Variants in ME3 observed in about 807,000 individuals in gnomAD.
The protein encoded by ME3 is NADP-dependent malic enzyme, mitochondrial.
A neutral mutation model predicts 68.9 loss-of-function variants in ME3; 48 were observed. The ratio of observed to expected loss-of-function variants is 0.70; its 90% CI spans 0.55 to 0.89. The LOEUF (loss-of-function observed/expected upper bound fraction) is 0.89, where lower values mean the gene tolerates loss of function less well. Among genes scored for constraint, ME3 ranks in the 40% least tolerant of loss-of-function variants. The probability of loss-of-function intolerance (pLI) is 0.00; values close to 1 mark genes in which losing one functional copy is unlikely to be tolerated. For missense variants in ME3, 675 were observed against 797.4 expected (o/e 0.85, Z 1.85); for synonymous variants, 320 against 318.8 (o/e 1.00, Z -0.04).
chr11:86,633,327 G>A (rs1351120688), intron 2 of ME3, among the ~76,000 whole-genome samples: 1 of 152,214 alleles, frequency 6.6e-6, no homozygotes, highest in Non-Finnish European at 1.5e-5. Flanking sequence ...ACAGCCACAT[G>A]AGGGGTGCTA....
the ME3 span, chr11:86,435,985 T>C: frequency 6.6e-6 from 1 of 152,296 alleles, no homozygotes; most frequent in African/African-American, 2.4e-5. Flanking sequence ...CAGCTGACAA[T>C]GGCATCTGGA....
intron 2 of ME3, among the ~76,000 whole-genome samples, chr11:86,562,514 T>C (rs1957283989): frequency 6.6e-6 from 1 of 152,204 alleles, no homozygotes; most frequent in Non-Finnish European, 1.5e-5. Context: ...TAGAAGTGAA[T>C]GAGAATTTCT....
chr11:86,457,837 C>T (rs2138677852), intron 8 of ME3: 1 of 1,221,502 alleles, frequency 8.2e-7, no homozygotes, highest in East Asian at 5.9e-5. Context: ...AAACTGAGTA[C>T]TTGAGGTTGT....
intron 4 of ME3, among the ~76,000 whole-genome samples, chr11:86,551,017 GTGGT>G: frequency 6.6e-6 from 1 of 151,886 alleles, no homozygotes; most frequent in South Asian, 2.1e-4. Context: ...GCTGGTGGAG[GTGGT>G]TGAAGACAAG....
At chr11:86,591,250 C>A (rs1373970064) in intron 2 of ME3, among the ~76,000 whole-genome samples, 1 of 152,188 alleles carries the variant, frequency 6.6e-6, no homozygotes, top group Non-Finnish European at 1.5e-5. Flanking sequence ...TATAGCAATA[C>A]TGCTTTATCT....
intron 4 of ME3, among the ~76,000 whole-genome samples, chr11:86,509,457 C>G (rs1202860624): frequency 2.0e-5 from 3 of 151,946 alleles, no homozygotes; most frequent in Non-Finnish European, 2.9e-5. Flanking sequence ...GGGGTTTGGT[C>G]AAGAGCAGAC....
chr11:86,620,164 G>GT (rs754231067), intron 2 of ME3, among the ~76,000 whole-genome samples: 5 of 152,000 alleles, frequency 3.3e-5, no homozygotes, highest in Non-Finnish European at 7.4e-5. Flanking sequence ...TTCAAAAAAC[G>GT]TTTTTTTAAA....
chr11:86,563,274 ATTACAT>A (rs1235163713), intron 2 of ME3, among the ~76,000 whole-genome samples: 2 of 152,102 alleles, frequency 1.3e-5, no homozygotes, highest in Non-Finnish European at 1.5e-5. Flanking sequence ...ACTAATTTAC[ATTACAT>A]TTACATTTAC....
intron 2 of ME3, among the ~76,000 whole-genome samples, chr11:86,603,855 A>C (rs1961162822): frequency 6.7e-6 from 1 of 149,686 alleles, no homozygotes; most frequent in Admixed American, 6.7e-5. Flanking sequence ...ACAAAAAACC[A>C]AGCACCGCAT....
intron 2 of ME3, among the ~76,000 whole-genome samples, chr11:86,600,565 T>C (rs1399727136): frequency 6.7e-6 from 1 of 149,890 alleles, no homozygotes; most frequent in Non-Finnish European, 1.5e-5. Context: ...TTAACAAGGA[T>C]ACCCAGGAAT....
intron 2 of ME3, among the ~76,000 whole-genome samples, chr11:86,626,169 A>G (rs1050331820): frequency 4.6e-5 from 7 of 152,176 alleles, no homozygotes; most frequent in African/African-American, 1.7e-4. Flanking sequence ...CTGTGTTGCA[A>G]TGTTGGGGCT....
intron 2 of ME3, among the ~76,000 whole-genome samples, chr11:86,639,286 T>C (rs192426302): frequency 6.6e-6 from 1 of 152,334 alleles, no homozygotes. Flanking sequence ...GAGCTGAGTC[T>C]CCCTAATGTA....
At chr11:86,502,563 A>G (rs1464412550) in intron 5 of ME3, among the ~76,000 whole-genome samples, 1 of 152,216 alleles carries the variant, frequency 6.6e-6, no homozygotes, top group Non-Finnish European at 1.5e-5. Flanking sequence ...CAGAGAGAAG[A>G]CACTGCACCC....
chr11:86,623,773 G>A (rs1046861415), intron 2 of ME3, among the ~76,000 whole-genome samples: 4 of 152,226 alleles, frequency 2.6e-5, no homozygotes, highest in South Asian at 2.1e-4. Context: ...TTTCCAGTTC[G>A]GTAGCAAGCA....
At chr11:86,560,720 G>GTGTA (rs1555234563) in intron 2 of ME3, among the ~76,000 whole-genome samples, 3 of 54,742 alleles carry the variant, frequency 5.5e-5, no homozygotes, top group African/African-American at 2.0e-4. Flanking sequence ...GTGTGTGTGT[G>GTGTA]TGTGTATGTG....
chr11:86,453,006 G>GTTTTTT lies in ME3; in HGVS notation c.920-2609_920-2608insAAAAAA, dbSNP rs553183604. 5.6e-3 allele frequency among the ~76,000 whole-genome samples: 792 copies of GTTTTTT among 141,734 alleles called. 56 individuals are homozygous for GTTTTTT. Among genetic ancestry groups the GTTTTTT allele is most frequent in the African/African-American group, 0.019 (755 of 39,396 alleles). The allele number at this position is 141,734 out of a possible 152,430, so 93.0% of individuals were successfully genotyped here. On this transcript the variant is annotated intron_variant, in intron 8 of 14. Transcript: ENST00000543262. ...AGGTTTTGTTTTTGTTTTTGTTTTT[G>GTTTTTT]TTTTTAATTTCAGACAGAATCTCAC...
chr11:86,511,466 C>T (rs1389035840), intron 4 of ME3, among the ~76,000 whole-genome samples: 1 of 152,194 alleles, frequency 6.6e-6, no homozygotes, highest in African/African-American at 2.4e-5. Context: ...AGAAATCTAG[C>T]ATGGCTGACT....
intron 2 of ME3, among the ~76,000 whole-genome samples, chr11:86,613,564 A>G (rs1172709941): frequency 1.3e-5 from 2 of 152,216 alleles, no homozygotes; most frequent in African/African-American, 4.8e-5. Context: ...TTATATTTAG[A>G]AAACCCCATC....
chr11:86,473,137 C>T lies in ME3; in HGVS notation c.810-7937G>A, dbSNP rs949508701. Among the ~76,000 whole-genome samples, 8 of 152,210 alleles carry T rather than the reference C, an allele frequency of 5.3e-5. No homozygotes were observed. In the East Asian group the frequency reaches 7.7e-4, roughly 15 times the overall value. On this transcript the variant is annotated intron_variant, in intron 7 of 14. Transcript: ENST00000543262. ...ACAACCCTGGGACACCCTGCATCCA[C>T]GGAGCAGAGAGAGATAGTGGAAGAA...
Sources: allele counts gnomAD v4.1 joint callset (sites outside exome capture counted in the v4.1 genomes callset), GRCh38; gene constraint gnomAD v4.1.1; transcripts MANE v1.5; gene names NCBI Gene and HGNC (gene_info 2026-07-23, HGNC 2026-07-21).